L3MBTL4: variants seen among roughly 807,000 people sequenced by gnomAD.
L3MBTL4 encodes the protein lethal(3)malignant brain tumor-like protein 4.
L3MBTL4 carries 70 observed loss-of-function variants against 84.5 expected under a neutral mutation model. The ratio of observed to expected loss-of-function variants is 0.83; its 90% CI spans 0.68 to 1.01. L3MBTL4 has a LOEUF of 1.01. Ranked by LOEUF, L3MBTL4 falls within the 50% of genes least tolerant of loss-of-function variation. The pLI, the probability that L3MBTL4 is intolerant of heterozygous loss-of-function variation, is 0.00. For missense variants in L3MBTL4, 715 were observed against 754.8 expected (o/e 0.95, Z 0.62); for synonymous variants, 274 against 259.8 (o/e 1.05, Z -0.52).
intron 12 of L3MBTL4, among the ~76,000 whole-genome samples, chr18:6,207,004 A>T (rs1485541148): frequency 6.6e-6 from 1 of 152,232 alleles, no homozygotes; most frequent in Non-Finnish European, 1.5e-5. Context: ...GGCAGATTAC[A>T]GCCCACAGGC....
chr18:6,108,939 C>G (rs2059101758), intron 14 of L3MBTL4, among the ~76,000 whole-genome samples: 1 of 152,144 alleles, frequency 6.6e-6, no homozygotes, highest in Non-Finnish European at 1.5e-5. Flanking sequence ...AAATACTACA[C>G]CACTTTATAT....
chr18:6,176,236 A>T (rs923034410), intron 12 of L3MBTL4, among the ~76,000 whole-genome samples: 1 of 152,180 alleles, frequency 6.6e-6, no homozygotes, highest in Non-Finnish European at 1.5e-5. Context: ...AAAATGACCT[A>T]GCTTACCCAA....
intron 13 of L3MBTL4, among the ~76,000 whole-genome samples, chr18:6,162,561 T>TTTAAAAG (rs2043395035): frequency 6.6e-6 from 1 of 152,186 alleles, no homozygotes; most frequent in African/African-American, 2.4e-5. Context: ...TACTGGACAT[T>TTTAAAAG]ATAGTGAGAA....
chr18:6,138,458 T>C (rs1158002528), intron 13 of L3MBTL4, among the ~76,000 whole-genome samples, 162 bp from the exon 14 acceptor site: 4 of 152,214 alleles, frequency 2.6e-5, no homozygotes, highest in Non-Finnish European at 5.9e-5. Context: ...TATTAAATTA[T>C]TTAGCAGAAA....
intron 14 of L3MBTL4, among the ~76,000 whole-genome samples, chr18:6,137,043 T>C (rs974247901): frequency 1.3e-5 from 2 of 152,192 alleles, no homozygotes; most frequent in African/African-American, 2.4e-5. Context: ...CATTTCACTC[T>C]TGCTCAAAAA....
intron 16 of L3MBTL4, among the ~76,000 whole-genome samples, chr18:6,033,597 TAATTAC>T (rs762102279): frequency 1.1e-4 from 17 of 152,250 alleles, no homozygotes; most frequent in Non-Finnish European, 2.2e-4. Context: ...ACATTTCTTG[TAATTAC>T]AATTACATTA....
At chr18:6,131,433 G>T (rs375765203) in intron 14 of L3MBTL4, among the ~76,000 whole-genome samples, 281 of 152,138 alleles carry the variant, frequency 1.8e-3, no homozygotes, top group South Asian at 0.012. Context: ...AAGAATATTT[G>T]TCTGAGAATC....
chr18:6,351,787 G>A (rs1209675478), intron 1 of L3MBTL4, among the ~76,000 whole-genome samples: 1 of 151,944 alleles, frequency 6.6e-6, no homozygotes, highest in East Asian at 1.9e-4. Context: ...TCCTGACCTC[G>A]TGATCCGCCC....
intron 16 of L3MBTL4, among the ~76,000 whole-genome samples, chr18:6,069,646 G>A (rs887725752): frequency 6.6e-6 from 1 of 152,114 alleles, no homozygotes; most frequent in Non-Finnish European, 1.5e-5. Flanking sequence ...TTCCAGAAGG[G>A]AGTATAACTG....
chr18:6,068,368 C>T (rs567775083), intron 16 of L3MBTL4, among the ~76,000 whole-genome samples: 27 of 152,224 alleles, frequency 1.8e-4, no homozygotes, highest in African/African-American at 6.5e-4. Flanking sequence ...GAGGTCCCAG[C>T]CTTGATGAAG....
intron 8 of L3MBTL4, 64 bp downstream of exon 8, chr18:6,241,294 A>G (rs981641607): frequency 5.6e-5 from 51 of 903,530 alleles, no homozygotes; most frequent in Non-Finnish European, 9.1e-5. Flanking sequence ...CAGAATATAT[A>G]GTGAATTTTA....
At chr18:6,197,561 C>T (rs570935789) in intron 12 of L3MBTL4, among the ~76,000 whole-genome samples, 39 of 152,294 alleles carry the variant, frequency 2.6e-4, no homozygotes, top group Non-Finnish European at 3.5e-4. Flanking sequence ...GTGAATAGTG[C>T]TGCAATGAAC....
chr18:6,239,154 A>C (rs2047344078), intron 9 of L3MBTL4, among the ~76,000 whole-genome samples: 1 of 151,882 alleles, frequency 6.6e-6, no homozygotes, highest in Admixed American at 6.6e-5. Flanking sequence ...ATCCCGGCTA[A>C]AACGGTGAAA....
At chr18:6,032,241 T>C (rs2055847124) in intron 16 of L3MBTL4, 2 of 783,668 alleles carry the variant, frequency 2.6e-6, no homozygotes, top group Middle Eastern at 4.5e-4. Context: ...CCTCCCAAAG[T>C]GCTGGGATTA....
At position 6,234,609 on chromosome 18, in the gene L3MBTL4, G is replaced by A. The variant is rs187946525; in HGVS notation, c.784+3355C>T. On this transcript the variant is annotated intron_variant, in intron 10 of 18. Transcript: ENST00000317931. ...CATCAGAGAAATGCAAATCAAAACC[G>A]CAATGAGATGCCATCTCATGCCAGT... Among the ~76,000 whole-genome samples, 150 of 152,152 alleles carry A rather than the reference G, an allele frequency of 9.9e-4. 1 individual carries two copies. The Middle Eastern group carries it at 0.01, about 10-fold the overall frequency.
intron 5 of L3MBTL4, among the ~76,000 whole-genome samples, chr18:6,248,796 G>A (rs2047798210): frequency 6.6e-6 from 1 of 151,994 alleles, no homozygotes; most frequent in African/African-American, 2.4e-5. Context: ...CAGCTGCATT[G>A]TACTCCTCTG....
At chr18:6,257,883 T>C (rs918343306) in intron 5 of L3MBTL4, among the ~76,000 whole-genome samples, 3 of 152,104 alleles carry the variant, frequency 2.0e-5, no homozygotes, top group Non-Finnish European at 4.4e-5. Context: ...CAACCTCAGG[T>C]GATCCACCCA....
chr18:6,348,589 C>G (rs1398640598), intron 1 of L3MBTL4, among the ~76,000 whole-genome samples: 1 of 152,022 alleles, frequency 6.6e-6, no homozygotes, highest in Non-Finnish European at 1.5e-5. Flanking sequence ...TTAAAAAGTA[C>G]AGCAACAAAG....
At chr18:5,983,252 A>G (rs1044866333) in intron 16 of L3MBTL4, among the ~76,000 whole-genome samples, 8 of 152,196 alleles carry the variant, frequency 5.3e-5, no homozygotes, top group Non-Finnish European at 5.9e-5. Flanking sequence ...TGCATTTGGA[A>G]TCCGTAATTT....
Sources: gnomAD v4.1 joint callset for allele counts (sites outside exome capture counted in the v4.1 genomes callset) on GRCh38, gnomAD v4.1.1 for gene constraint, MANE v1.5 for transcripts, NCBI Gene and HGNC (gene_info 2026-07-23, HGNC 2026-07-21) for gene names.